SH3D21: variants seen among roughly 807,000 people sequenced by gnomAD.
The protein encoded by SH3D21 is manchette microtubule inner protein 1.
A neutral mutation model predicts 82.1 loss-of-function variants in SH3D21; 83 were observed. The observed-to-expected ratio is 1.01, with a 90% CI of 0.85 to 1.21. The LOEUF (loss-of-function observed/expected upper bound fraction) is 1.21. Ranked by LOEUF, SH3D21 falls within the 50% of genes most tolerant of loss-of-function variation. SH3D21 has a pLI of 0.00. For synonymous variants in SH3D21, 383 were observed against 387.8 expected, an observed-to-expected ratio of 0.99 and a Z score of 0.15; for missense variants, 980 against 962.1, an observed-to-expected ratio of 1.02 and a Z score of -0.25.
In SH3D21 at chr1:36,320,975, G is replaced by T; in HGVS notation, c.2196G>T (p.Leu732=). The change falls in exon 15 of 16, where the codon CTG becomes CTT. Residue 732 remains leucine (L), a synonymous_variant. Coordinates refer to ENST00000453908, the MANE Select transcript of SH3D21 (RefSeq NM_001162530.2). ...GCGAGAAGGAGCAGCGCCGGCGGCT[G>T]GAGGTGAGGCGCGGGTCCCGGCGGG... is the stretch of plus-strand genomic sequence containing the variant. ...LKSEKEQRRR[L]EVQVMQGTQK... The T allele has an allele frequency of 6.4e-7, 1 of 1,572,754 alleles. No homozygotes were observed. Among genetic ancestry groups the T allele is most frequent in the Non-Finnish European group, 8.6e-7 (1 of 1,159,304 alleles).
chr1:36,308,641 CA>C (rs1239890650), intron 9 of SH3D21, among the ~76,000 whole-genome samples, 166 bp downstream of exon 9: 8 of 152,206 alleles, frequency 5.3e-5, no homozygotes, highest in Middle Eastern at 3.4e-3. Context: ...ATCGCTTATC[CA>C]AAAGGCTTGG....
At chr1:36,324,707 C>G (rs1646523848), downstream of SH3D21, 2 of 152,186 alleles carry the variant, frequency 1.3e-5, no homozygotes, top group Admixed American at 6.5e-5. Flanking sequence ...AGGACTGACT[C>G]CTATGGGGAT....
chr1:36,320,002 C>A lies in SH3D21; in HGVS notation c.1339C>A (p.Pro447Thr), dbSNP rs572873058. The change falls in exon 14 of 16, where the codon CCA (proline) becomes ACA (threonine). Residue 447 changes from proline to threonine, a missense_variant. Pro to Thr is a conservative substitution (Grantham distance 38, BLOSUM62 -1). Transcript: ENST00000453908. Reference sequence around the variant, plus strand: ...CCTGACTGTGGACAAACCCTCCACTCCAGAGAGGGTCTTTTCAGTGGAAGA... The same window carrying A: ...CCTGACTGTGGACAAACCCTCCACTACAGAGAGGGTCTTTTCAGTGGAAGA... ...ETLTVDKPST[P>T]ERVFSVEESP... 1.6e-5 allele frequency: 26 copies of A among 1,613,992 alleles called. No homozygotes were observed. The highest frequency in any genetic ancestry group is 2.1e-5 in the Non-Finnish European group (25 of 1,180,008).
Position 36,320,318 on chromosome 1 carries a change from G to A in SH3D21, c.1655G>A (p.Cys552Tyr). 1 of 1,613,014 alleles carries A rather than the reference G, an allele frequency of 6.2e-7. No individual in the cohort carries two copies. Residue 552 changes from cysteine to tyrosine, a missense_variant, in exon 14 of 16, where the codon TGT becomes TAT. By Grantham distance (194) the Cys-to-Tyr change is radical. Coordinates refer to ENST00000453908, the MANE Select transcript of SH3D21 (RefSeq NM_001162530.2). Reference sequence around the variant, plus strand: ...GAGAGGTGCCTGGGAGAGATGAAATGTACCCTAGTTAGAGGGGACAGCTCC... The same window carrying A: ...GAGAGGTGCCTGGGAGAGATGAAATATACCCTAGTTAGAGGGGACAGCTCC... Reference protein sequence around the residue: ...SSERCLGEMKCTLVRGDSSPR... With the variant: ...SSERCLGEMKYTLVRGDSSPR...
intron 13 of SH3D21, 45 bp from the exon 14 acceptor site, chr1:36,319,630 A>C (rs777594484): frequency 1.0e-5 from 16 of 1,548,956 alleles, no homozygotes; most frequent in Non-Finnish European, 1.3e-5. Context: ...GGCCAAGGGG[A>C]ACCAGACTCA....
chr1:36,322,198 A>G, downstream of SH3D21: 1 of 1,380,026 alleles, frequency 7.2e-7, no homozygotes, highest in Non-Finnish European at 9.4e-7. Context: ...AGCACCTGGG[A>G]GCTGTGGGGG....
downstream of SH3D21, chr1:36,321,510 C>T: frequency 1.2e-6 from 1 of 805,368 alleles, no homozygotes; most frequent in Non-Finnish European, 1.6e-6. This position sits in a 1 kb window ranked among gnomAD's most constrained non-coding sequence, Gnocchi z 6.1. Flanking sequence ...CAGCTGTGCG[C>T]CGGGGAGGAG....
In SH3D21 at chr1:36,309,136, T is replaced by C. The variant is rs1646188128; in HGVS notation, c.727-412T>C. On this transcript the variant is annotated intron_variant, in intron 9 of 15. Transcript: ENST00000453908. Reference sequence around the variant, plus strand: ...ACATGAGTTAGGTCAGGTGTGGAATTTTCCACTTAAGGCGTTATGTTGGTA... The same window carrying C: ...ACATGAGTTAGGTCAGGTGTGGAATCTTCCACTTAAGGCGTTATGTTGGTA... 2.6e-5 allele frequency among the ~76,000 whole-genome samples: 4 copies of C among 152,154 alleles called. No individual in the cohort carries two copies. The South Asian group carries it at 6.2e-4, about 24-fold the overall frequency.
chr1:36,319,927 C>G lies in SH3D21; in HGVS notation c.1264C>G (p.Pro422Ala). 4.3e-6 allele frequency: 7 copies of G among 1,614,046 alleles called. No homozygotes were observed. The highest frequency in any genetic ancestry group is 5.9e-6 in the Non-Finnish European group (7 of 1,179,998). The part of the protein sequence containing the change: ...KVPTPEKMVT[P>A]EDKASIPENS... ...CCCCACCCCAGAGAAGATGGTGACT[C>G]CGGAGGACAAGGCTTCTATCCCAGA... is the stretch of plus-strand genomic sequence containing the variant. The change falls in exon 14 of 16, where the codon CCG (proline) becomes GCG (alanine). Residue 422 changes from proline to alanine, a missense_variant. Physicochemically the swap from Pro to Ala is conservative, Grantham distance 27. Transcript: ENST00000453908.
At chr1:36,308,267 C>T (rs1316635452) in intron 8 of SH3D21, 58 bp downstream of exon 8, 1 of 1,462,022 alleles carries the variant, frequency 6.8e-7, no homozygotes, top group African/African-American at 1.4e-5. Flanking sequence ...AAGGGTAGAC[C>T]TGCACATGTA....
downstream of SH3D21, chr1:36,329,308 C>T (rs1224806624): frequency 2.6e-5 from 4 of 152,176 alleles, no homozygotes; most frequent in South Asian, 2.1e-4. Context: ...ACGTCTGAAA[C>T]GATGAATTTG....
downstream of SH3D21, chr1:36,322,951 C>T: frequency 6.2e-7 from 1 of 1,606,800 alleles, no homozygotes; most frequent in Non-Finnish European, 8.5e-7. Context: ...GGCCCCCAGT[C>T]TTCCGGCGCC....
In SH3D21 at chr1:36,320,266, G is replaced by A. The variant is rs375317466; in HGVS notation, c.1603G>A (p.Ala535Thr). The A allele has an allele frequency of 5.2e-5, 84 of 1,612,672 alleles. No individual in the cohort carries two copies. Among genetic ancestry groups the A allele is most frequent in the Non-Finnish European group, 7.0e-5 (83 of 1,179,850 alleles). The change falls in exon 14 of 16, where the codon GCA (alanine) becomes ACA (threonine). Residue 535 changes from alanine (A) to threonine (T), a missense_variant. Physicochemically the swap from Ala to Thr is moderately conservative, Grantham distance 58. Coordinates refer to ENST00000453908, the MANE Select transcript of SH3D21 (RefSeq NM_001162530.2). ...SSQEEAHTPE[A>T]PPPQPPSSER... ...CCAGGAGGAGGCCCACACGCCAGAGGCACCCCCACCCCAGCCTCCTTCCTC... is the reference window on the plus strand; with the variant it reads ...CCAGGAGGAGGCCCACACGCCAGAGACACCCCCACCCCAGCCTCCTTCCTC...
At chr1:36,326,699 G>A (rs1646549020), downstream of SH3D21, among the ~76,000 whole-genome samples, 1 of 152,184 alleles carries the variant, frequency 6.6e-6, no homozygotes. Flanking sequence ...GCTGGCAGCT[G>A]TCCAAGCCAG....
rs375422209 is a variant in SH3D21 at position 36,307,102 on chromosome 1, C to A, written c.227-65C>A. On this transcript the variant is annotated intron_variant, in intron 3 of 15. Transcript: ENST00000453908. The surrounding 1 kb of genome is among the most constrained non-coding windows in gnomAD (Gnocchi z 5.4). ...GACCAAAGGCTACGTGCGCGCCTTG[C>A]GCTTCCCCCAGCTCCTCTGACTGGG... is the stretch of plus-strand genomic sequence containing the variant. 2.0e-4 allele frequency: 313 copies of A among 1,542,620 alleles called. No individual in the cohort carries two copies. Among genetic ancestry groups the A allele is most frequent in the South Asian group, 1.2e-3 (97 of 82,736 alleles).
downstream of SH3D21, chr1:36,328,632 C>T (rs949427930): frequency 9.3e-5 from 17 of 181,936 alleles, no homozygotes; most frequent in Non-Finnish European, 1.3e-4. Context: ...ATTAGCTGGA[C>T]ACGGTAGCAC....
At chr1:36,329,644 G>C (rs184835206), downstream of SH3D21, among the ~76,000 whole-genome samples, 676 of 152,188 alleles carry the variant, frequency 4.4e-3, no homozygotes, top group Non-Finnish European at 7.0e-3. Context: ...CTCAGCGTTT[G>C]AACAGGGGAG....
downstream of SH3D21, chr1:36,322,638 G>A (rs766073439): frequency 1.2e-5 from 18 of 1,545,804 alleles, no homozygotes; most frequent in African/African-American, 2.7e-5. Context: ...GGGCGCCCAC[G>A]AGATGCTGAT....
Position 36,320,018 on chromosome 1 carries a change from C to T in SH3D21, c.1355C>T (p.Ser452Leu), listed in dbSNP as rs1216122530. The change falls in exon 14 of 16, where the codon TCA becomes TTA. Residue 452 changes from serine (S) to leucine (L), a missense_variant. Physicochemically the swap from Ser to Leu is moderately radical, Grantham distance 145 (BLOSUM62 -2). Transcript: ENST00000453908. ...CCCTCCACTCCAGAGAGGGTCTTTT[C>T]AGTGGAAGAGTCCCCTGCCCTAGAA... ...DKPSTPERVF[S>L]VEESPALEAP... 6.2e-7 allele frequency: 1 copy of T among 1,614,160 alleles called. No homozygotes were observed. Among genetic ancestry groups the T allele is most frequent in the East Asian group, 2.2e-5 (1 of 44,876 alleles).
Sources: allele counts gnomAD v4.1 joint callset (sites outside exome capture counted in the v4.1 genomes callset), GRCh38; gene constraint gnomAD v4.1.1; non-coding constraint Gnocchi (gnomAD v3.1); transcripts MANE v1.5; gene names NCBI Gene and HGNC (gene_info 2026-07-23, HGNC 2026-07-21).